ADAM22: variants seen among roughly 807,000 people sequenced by gnomAD.
ADAM22 encodes the protein disintegrin and metalloproteinase domain-containing protein 22.
Under a neutral mutation model 144.6 loss-of-function variants are expected in ADAM22, and 65 were observed. The observed-to-expected ratio is 0.45, with a 90% CI of 0.37 to 0.55. The LOEUF (loss-of-function observed/expected upper bound fraction) is 0.55. Among genes scored for constraint, ADAM22 ranks in the 20% least tolerant of loss-of-function variants. The pLI is 0.00. For missense variants in ADAM22, 974 were observed against 1,184.9 expected, an observed-to-expected ratio of 0.82 and a Z score of 2.61; for synonymous variants, 391 against 412.6, an observed-to-expected ratio of 0.95 and a Z score of 0.63.
At chr7:88,149,180 AT>A (rs1387556834) in intron 18 of ADAM22, 123 bp downstream of exon 18, 97 of 700,136 alleles carry the variant, frequency 1.4e-4, no homozygotes, top group Non-Finnish European at 1.7e-4. Context: ...TCATTTCTCC[AT>A]TTTTTTTAGG....
At chr7:87,954,539 T>A (rs1174675088) in intron 2 of ADAM22, among the ~76,000 whole-genome samples, 2 of 150,592 alleles carry the variant, frequency 1.3e-5, no homozygotes, top group Non-Finnish European at 3.0e-5. Context: ...CTTCCCTTTG[T>A]GGGTAACCCG....
At chr7:88,131,694 C>T (rs1831830013) in intron 11 of ADAM22, 2 of 498,080 alleles carry the variant, frequency 4.0e-6, no homozygotes, top group Non-Finnish European at 3.6e-6. Flanking sequence ...AGTAAAAATA[C>T]TGCTAATACT....
chr7:88,152,145 T>C (rs150945074), intron 20 of ADAM22, among the ~76,000 whole-genome samples: 1 of 152,324 alleles, frequency 6.6e-6, no homozygotes, highest in African/African-American at 2.4e-5. Context: ...GGAAAACATT[T>C]AGTCAGGCAG....
At chr7:88,171,841 T>C (rs1844402052) in intron 26 of ADAM22, among the ~76,000 whole-genome samples, 1 of 151,696 alleles carries the variant, frequency 6.6e-6, no homozygotes, top group South Asian at 2.1e-4. Context: ...TATATAGAAA[T>C]TGATTTTTTC....
Position 88,128,677 on chromosome 7 carries a change from G to T in ADAM22, c.753+1G>T. ...GATGATTGTGAATGATCACCTTATG[G>T]TAGGATTTGCTGTTGTTTTTAAGCC... On this transcript the variant is annotated splice_donor_variant, in intron 9 of 31. Transcript: ENST00000413139. LOFTEE classifies it high-confidence loss of function. 1 of 1,610,614 alleles carries T rather than the reference G, an allele frequency of 6.2e-7. No individual in the cohort carries two copies. The highest frequency in any genetic ancestry group is 8.5e-7 in the Non-Finnish European group (1 of 1,177,534).
chr7:88,063,885 G>A (rs1810525777), intron 3 of ADAM22, among the ~76,000 whole-genome samples: 1 of 152,174 alleles, frequency 6.6e-6, no homozygotes, highest in African/African-American at 2.4e-5. Flanking sequence ...GAAAATATAT[G>A]TGCAAGATTT....
intron 30 of ADAM22, among the ~76,000 whole-genome samples, chr7:88,189,335 G>C (rs573193668): frequency 6.6e-6 from 1 of 152,152 alleles, no homozygotes; most frequent in Non-Finnish European, 1.5e-5. Context: ...CAGGGTTTTC[G>C]AGTCCACTTC....
chr7:88,092,998 A>G (rs1820350198), intron 4 of ADAM22, among the ~76,000 whole-genome samples: 1 of 152,126 alleles, frequency 6.6e-6, no homozygotes, highest in African/African-American at 2.4e-5. Flanking sequence ...TCATCTGTTA[A>G]TGTTCAAGAT....
At chr7:88,093,769 A>G (rs1484748522) in intron 4 of ADAM22, among the ~76,000 whole-genome samples, 1 of 152,154 alleles carries the variant, frequency 6.6e-6, no homozygotes, top group Non-Finnish European at 1.5e-5. Flanking sequence ...CTGGTCTCAA[A>G]TTCAAGTGAT....
intron 3 of ADAM22, among the ~76,000 whole-genome samples, chr7:87,983,462 A>T (rs934844106): frequency 6.6e-6 from 1 of 152,104 alleles, no homozygotes; most frequent in Middle Eastern, 3.4e-3. Context: ...ATATTTTATA[A>T]TTATTTATTA....
At chr7:87,989,745 G>A (rs908177523) in intron 3 of ADAM22, among the ~76,000 whole-genome samples, 2 of 152,020 alleles carry the variant, frequency 1.3e-5, no homozygotes, top group African/African-American at 2.4e-5. Context: ...GTGAAACCTC[G>A]TCTCTGCTAA....
At chr7:87,956,073 C>A (rs141070750) in intron 2 of ADAM22, among the ~76,000 whole-genome samples, 3 of 152,186 alleles carry the variant, frequency 2.0e-5, no homozygotes, top group African/African-American at 4.8e-5. Context: ...TGACCCCTTG[C>A]GCTTCCCGAG....
intron 2 of ADAM22, among the ~76,000 whole-genome samples, chr7:87,946,647 G>C (rs1458615615): frequency 6.6e-6 from 1 of 152,182 alleles, no homozygotes; most frequent in Non-Finnish European, 1.5e-5. Context: ...CTTTGTTGAA[G>C]ATCAGATGGC....
chr7:88,117,542 T>C (rs186475689), intron 7 of ADAM22, among the ~76,000 whole-genome samples: 6 of 152,304 alleles, frequency 3.9e-5, no homozygotes, highest in African/African-American at 1.2e-4. Flanking sequence ...GAGCAGTGAT[T>C]ATGCAGGGTG....
At chr7:88,081,290 GC>G (rs991877009) in intron 4 of ADAM22, among the ~76,000 whole-genome samples, 1 of 151,914 alleles carries the variant, frequency 6.6e-6, no homozygotes, top group African/African-American at 2.4e-5. Context: ...AAATTCAACA[GC>G]CCTTCATGCT....
chr7:88,151,849 C>T (rs557085477), intron 20 of ADAM22, among the ~76,000 whole-genome samples: 64 of 152,154 alleles, frequency 4.2e-4, no homozygotes, highest in South Asian at 8.3e-4. Flanking sequence ...TAATGTTTAG[C>T]CTTTAAAGTC....
At chr7:87,963,125 G>T (rs549668646) in intron 2 of ADAM22, among the ~76,000 whole-genome samples, 1 of 152,274 alleles carries the variant, frequency 6.6e-6, no homozygotes, top group Admixed American at 6.5e-5. Context: ...TCTCCTGGAG[G>T]TACCTGTGTA....
chr7:88,054,726 C>T (rs533597339), intron 3 of ADAM22, among the ~76,000 whole-genome samples: 5 of 151,962 alleles, frequency 3.3e-5, no homozygotes, highest in South Asian at 2.1e-4. Context: ...TACATTCTTT[C>T]GCCATTTTCA....
At chr7:88,054,387 T>C (rs990997040) in intron 3 of ADAM22, among the ~76,000 whole-genome samples, 5 of 152,148 alleles carry the variant, frequency 3.3e-5, no homozygotes, top group African/African-American at 1.2e-4. Flanking sequence ...CCCATACTTC[T>C]CTCAGTTTTT....
Sources: allele counts gnomAD v4.1 joint callset (sites outside exome capture counted in the v4.1 genomes callset), GRCh38; gene constraint gnomAD v4.1.1; transcripts MANE v1.5; gene names NCBI Gene and HGNC (gene_info 2026-07-23, HGNC 2026-07-21).